The following ADAM22 variants were observed in gnomAD, a reference collection of about 807,000 sequenced individuals.
The protein encoded by ADAM22 is ADAM metallopeptidase domain 22.
A neutral mutation model predicts 144.6 loss-of-function variants in ADAM22; 65 were observed. That is an observed-to-expected ratio of 0.45 (90% CI 0.37 to 0.55). The LOEUF (loss-of-function observed/expected upper bound fraction) is 0.55, where lower values mean the gene tolerates loss of function less well. ADAM22 is among the 20% of genes least tolerant of loss of function. The pLI, the probability that ADAM22 is intolerant of heterozygous loss-of-function variation, is 0.00. For missense variants in ADAM22, 974 were observed against 1,184.9 expected, an observed-to-expected ratio of 0.82 and a Z score of 2.61; for synonymous variants, 391 against 412.6, an observed-to-expected ratio of 0.95 and a Z score of 0.63.
At chr7:88,041,363 A>G (rs1481645078) in intron 3 of ADAM22, among the ~76,000 whole-genome samples, 1 of 151,976 alleles carries the variant, frequency 6.6e-6, no homozygotes, top group Admixed American at 6.6e-5. Flanking sequence ...TTATACTAAC[A>G]TAGATGGTGC....
chr7:88,023,411 A>G (rs1798260500), intron 3 of ADAM22, among the ~76,000 whole-genome samples: 1 of 152,160 alleles, frequency 6.6e-6, no homozygotes, highest in African/African-American at 2.4e-5. Flanking sequence ...CAAACAATCC[A>G]ATTATAGTCT....
chr7:88,172,998 A>T (rs1844732063), intron 26 of ADAM22, among the ~76,000 whole-genome samples: 1 of 152,030 alleles, frequency 6.6e-6, no homozygotes, highest in African/African-American at 2.4e-5. Context: ...TAAGGCTATA[A>T]TGTAATTTAA....
At chr7:88,009,768 A>G (rs145039936) in intron 3 of ADAM22, among the ~76,000 whole-genome samples, 10 of 152,218 alleles carry the variant, frequency 6.6e-5, no homozygotes, top group African/African-American at 2.2e-4. Context: ...CTACTACCCT[A>G]TCCTTCAGTT....
intron 3 of ADAM22, among the ~76,000 whole-genome samples, chr7:88,052,062 G>T (rs1806569109): frequency 6.6e-6 from 1 of 152,076 alleles, no homozygotes; most frequent in Non-Finnish European, 1.5e-5. Context: ...TTGCAACTTT[G>T]ATGTGTTTGT....
At chr7:88,127,844 CT>C (rs1830799905) in intron 8 of ADAM22, among the ~76,000 whole-genome samples, 2 of 151,980 alleles carry the variant, frequency 1.3e-5, no homozygotes, top group African/African-American at 4.8e-5. Context: ...ATATTATAGG[CT>C]AACTGTAGAG....
At chr7:88,169,134 A>G (rs1057182360) in intron 25 of ADAM22, among the ~76,000 whole-genome samples, 3 of 152,140 alleles carry the variant, frequency 2.0e-5, no homozygotes, top group Admixed American at 6.6e-5. Flanking sequence ...TATAGTGTAC[A>G]TGGTAATTGC....
chr7:87,936,057 GC>G (rs1469665482), intron 2 of ADAM22, among the ~76,000 whole-genome samples: 1 of 152,156 alleles, frequency 6.6e-6, no homozygotes, highest in South Asian at 2.1e-4. Context: ...TGAAGCAATG[GC>G]AAGCCAAACC....
rs148038054 is a variant in ADAM22 at position 88,172,879 on chromosome 7, G to A, written c.2300+1318G>A. ...CGTTTAGACTTTCTGTTGGGTAGAG[G>A]TTGATTGATCGTATTAGAAATCTAA... On this transcript the variant is annotated intron_variant, in intron 26 of 31. Transcript: ENST00000413139. 2.9e-3 allele frequency among the ~76,000 whole-genome samples: 437 copies of A among 152,082 alleles called. 1 individual carries two copies. Among genetic ancestry groups the A allele is most frequent in the African/African-American group, 0.01 (423 of 41,552 alleles).
At chr7:88,092,365 A>G (rs1181150030) in intron 4 of ADAM22, among the ~76,000 whole-genome samples, 1 of 152,186 alleles carries the variant, frequency 6.6e-6, no homozygotes, top group African/African-American at 2.4e-5. Flanking sequence ...AAATCTAACA[A>G]ACAAACTGAT....
At chr7:88,113,496 TA>T (rs1335577447) in intron 5 of ADAM22, among the ~76,000 whole-genome samples, 1 of 150,468 alleles carries the variant, frequency 6.6e-6, no homozygotes, top group Non-Finnish European at 1.5e-5. Context: ...CCCATCTGCT[TA>T]GAACTTTGCA....
chr7:88,053,603 A>G (rs994913042), intron 3 of ADAM22, among the ~76,000 whole-genome samples: 18 of 83,056 alleles, frequency 2.2e-4, no homozygotes, highest in African/African-American at 7.6e-4. Flanking sequence ...AAAGAAAGAA[A>G]GAAAGAAAGA....
rs1312837839 is a variant in ADAM22 at position 88,197,654 on chromosome 7, A to T, written c.*1163A>T. 1.3e-5 allele frequency: 2 copies of T among 152,180 alleles called. No homozygotes were observed. The highest frequency in any genetic ancestry group is 4.8e-5 in the African/African-American group (2 of 41,440). The allele number at this position is 152,180 out of a possible 1,614,324, so 9.4% of individuals were successfully genotyped here. A position where few individuals can be genotyped will look rare whatever the true frequency, so the allele number is the denominator to read the frequency against. On this transcript the variant is annotated 3_prime_UTR_variant, in exon 32 of 32. Coordinates refer to ENST00000413139, the MANE Select transcript of ADAM22 (RefSeq NM_001324418.2). ...TTGGCAAAACTTTGTAGTCACCCTT[A>T]TCTGTGAAATGAATGACTTGTTTTA...
At chr7:88,055,672 C>T (rs1043518072) in intron 3 of ADAM22, among the ~76,000 whole-genome samples, 1 of 152,192 alleles carries the variant, frequency 6.6e-6, no homozygotes, top group Non-Finnish European at 1.5e-5. Context: ...TAACTCGGTC[C>T]TTCTCCATAG....
chr7:88,022,941 A>G (rs1370817138), intron 3 of ADAM22, among the ~76,000 whole-genome samples: 1 of 152,246 alleles, frequency 6.6e-6, no homozygotes, highest in South Asian at 2.1e-4. Context: ...GTGGAGCAAT[A>G]TAACTCTTGC....
At chr7:88,063,678 A>T (rs1288918674) in intron 3 of ADAM22, among the ~76,000 whole-genome samples, 1 of 152,212 alleles carries the variant, frequency 6.6e-6, no homozygotes, top group Non-Finnish European at 1.5e-5. Flanking sequence ...TTGATGTTTT[A>T]GAATGGTGGA....
intron 1 of ADAM22, 155 bp from the exon 2 acceptor site, chr7:87,934,871 T>A (rs764333345): frequency 2.8e-6 from 3 of 1,059,882 alleles, no homozygotes; most frequent in South Asian, 1.4e-5. Flanking sequence ...CTCGGGCTGG[T>A]GTCTCTGCGT....
intron 5 of ADAM22, 23 bp from the exon 6 acceptor site, chr7:88,114,561 A>G (rs1358788736): frequency 3.7e-6 from 6 of 1,611,720 alleles, no homozygotes; most frequent in Non-Finnish European, 5.1e-6. Context: ...GGCCATGCCT[A>G]ATTATTTTTT....
At chr7:88,058,303 C>G (rs1199826953) in intron 3 of ADAM22, among the ~76,000 whole-genome samples, 1 of 152,158 alleles carries the variant, frequency 6.6e-6, no homozygotes, top group Non-Finnish European at 1.5e-5. Flanking sequence ...ATATTAAACT[C>G]TAAAACTTTG....
At chr7:87,981,784 A>C (rs574428305) in intron 3 of ADAM22, among the ~76,000 whole-genome samples, 4 of 152,124 alleles carry the variant, frequency 2.6e-5, no homozygotes, top group Non-Finnish European at 4.4e-5. Flanking sequence ...GAAGAGTCTC[A>C]TCATGCTATA....
Sources: allele counts gnomAD v4.1 joint callset (sites outside exome capture counted in the v4.1 genomes callset), GRCh38; gene constraint gnomAD v4.1.1; transcripts MANE v1.5; gene names NCBI Gene and HGNC (gene_info 2026-07-23, HGNC 2026-07-21).